GAK: variants seen among roughly 807,000 people sequenced by gnomAD.
The protein encoded by GAK is cyclin G associated kinase.
Under a neutral mutation model 143.9 loss-of-function variants are expected in GAK, and 79 were observed. The ratio of observed to expected loss-of-function variants is 0.55; its 90% CI spans 0.46 to 0.66. GAK has a LOEUF of 0.66. Ranked by LOEUF, GAK falls within the 30% of genes least tolerant of loss-of-function variation. The pLI, the probability that GAK is intolerant of heterozygous loss-of-function variation, is 0.00. For missense variants in GAK, 1,693 were observed against 1,779.7 expected (o/e 0.95, Z 0.88); for synonymous variants, 881 against 765.5 (o/e 1.15, Z -2.49).
chr4:853,397 A>G (rs1275700315), intron 24 of GAK: 1 of 152,290 alleles, frequency 6.6e-6, no homozygotes, highest in Non-Finnish European at 1.5e-5. Context: ...ACGGTAGCTC[A>G]GTAGCTGTGT....
rs749634471 is a variant in GAK at position 877,726 on chromosome 4, A to G, written c.1745T>C (p.Met582Thr). 36 of 1,613,378 alleles carry G rather than the reference A, an allele frequency of 2.2e-5. No individual in the cohort carries two copies. The highest frequency in any genetic ancestry group is 2.9e-5 in the Non-Finnish European group (34 of 1,179,926). Residue 582 changes from methionine (M) to threonine (T), a missense_variant, in exon 16 of 28, where the codon ATG becomes ACG. Met to Thr is a moderately conservative substitution (Grantham distance 81). Coordinates refer to ENST00000314167, the MANE Select transcript of GAK (RefSeq NM_005255.4). Reference sequence around the variant, plus strand: ...CTTGCTGAACAGCGGCACGGGTGTCATGACCACGGCCCTCACCAGGATGGG... The same window carrying G: ...CTTGCTGAACAGCGGCACGGGTGTCGTGACCACGGCCCTCACCAGGATGGG... ...SKPILVRAVVMTPVPLFSKQR... is the reference protein window; with the variant it reads ...SKPILVRAVVTTPVPLFSKQR...
chr4:850,267 TTCA>T (rs1354690610), intron 26 of GAK, 199 bp from the exon 27 acceptor site: 2 of 477,860 alleles, frequency 4.2e-6, no homozygotes, highest in African/African-American at 4.0e-5. Flanking sequence ...CCAGGTGGTC[TTCA>T]TGTTTCAGGG....
chr4:894,219 T>G (rs1182079620), intron 7 of GAK: 6 of 333,952 alleles, frequency 1.8e-5, no homozygotes, highest in Non-Finnish European at 2.8e-5. Flanking sequence ...CACCGGGGCC[T>G]GCGGGAACAA....
At chr4:873,912 G>A (rs761511621) in intron 18 of GAK, among the ~76,000 whole-genome samples, 4 of 152,180 alleles carry the variant, frequency 2.6e-5, no homozygotes, top group Non-Finnish European at 5.9e-5. Context: ...GCACAGCAGG[G>A]CGTCGGTCTA....
chr4:885,434 C>T (rs745952415), intron 11 of GAK, among the ~76,000 whole-genome samples: 3 of 152,172 alleles, frequency 2.0e-5, no homozygotes, highest in Non-Finnish European at 4.4e-5. Context: ...CAGGCAGCGG[C>T]AAGCACAGCA....
rs1002012321 is a variant in GAK at position 893,734 on chromosome 4, C to A, written c.877+140G>T. 92 of 1,066,872 alleles carry A rather than the reference C, an allele frequency of 8.6e-5. 1 individual carries two copies. Among genetic ancestry groups the A allele is most frequent in the South Asian group, 1.1e-4 (6 of 54,310 alleles). 66.1% of individuals were successfully genotyped at this position (1,066,872 alleles called of 1,614,324 possible). A position where few individuals can be genotyped will look rare whatever the true frequency, so the allele number is the denominator to read the frequency against. On this transcript the variant is annotated intron_variant, in intron 8 of 27. Coordinates refer to ENST00000314167, the MANE Select transcript of GAK (RefSeq NM_005255.4). ...GGGGAGCTCTCTGGAAACCCCCCCC[C>A]CAGGGATGTTGTCAAAACTATGGTG... is the stretch of plus-strand genomic sequence containing the variant.
At chr4:884,278 C>T (rs1715794774) in intron 11 of GAK, 192 bp from the exon 12 acceptor site, 2 of 570,502 alleles carry the variant, frequency 3.5e-6, no homozygotes, top group Non-Finnish European at 6.2e-6. Flanking sequence ...GGAGCTGACC[C>T]CTACATCAGA....
chr4:926,650 G>C (rs1724796021), intron 1 of GAK, among the ~76,000 whole-genome samples: 1 of 152,182 alleles, frequency 6.6e-6, no homozygotes, highest in South Asian at 2.1e-4. Flanking sequence ...TTCACGCTGG[G>C]AACTAGCCAA....
chr4:887,474 A>ACT, intron 11 of GAK: 1 of 148,026 alleles, frequency 6.8e-6, no homozygotes, highest in Non-Finnish European at 1.5e-5. Flanking sequence ...CAGCTCACGC[A>ACT]CACAGGCACT....
chr4:859,493 T>G lies in GAK; in HGVS notation c.3283+113A>C, dbSNP rs780512367. 4.4e-6 allele frequency: 7 copies of G among 1,600,680 alleles called. No homozygotes were observed. The African/African-American group carries it at 9.4e-5, about 21-fold the overall frequency. On this transcript the variant is annotated intron_variant, in intron 24 of 27. Coordinates refer to ENST00000314167, the MANE Select transcript of GAK (RefSeq NM_005255.4). ...GCTCACTGTGCTCTGGGCTTGGGGG[T>G]CTTAGTGAACAGAGGCAAAGACTTC...
chr4:873,124 C>T (rs1384619876), intron 18 of GAK, among the ~76,000 whole-genome samples: 1 of 152,236 alleles, frequency 6.6e-6, no homozygotes, highest in Non-Finnish European at 1.5e-5. Context: ...GGAATTACAG[C>T]TGTAAGCCAC....
At chr4:893,544 C>G in intron 8 of GAK, 55 bp from the exon 9 acceptor site, 1 of 1,303,588 alleles carries the variant, frequency 7.7e-7, no homozygotes, top group Non-Finnish European at 1.0e-6. Flanking sequence ...GGGTCAGCAC[C>G]CCCTGCACTG....
chr4:870,884 T>A lies in GAK; in HGVS notation c.2075A>T (p.Asp692Val). 6.2e-7 allele frequency: 1 copy of A among 1,613,752 alleles called. No homozygotes were observed. Among genetic ancestry groups the A allele is most frequent in the Non-Finnish European group, 8.5e-7 (1 of 1,179,844 alleles). Residue 692 changes from aspartate to valine, a missense_variant, in exon 19 of 28, where the codon GAC (aspartate) becomes GTC (valine). Transcript: ENST00000314167. ...KFAKYDLDAC[D>V]IQEKYPDLFQ... Reference sequence around the variant, plus strand: ...TAAATCCGGGTATTTTTCTTGAATGTCACACGCGTCCAGGTCATACCTGCG... The same window carrying A: ...TAAATCCGGGTATTTTTCTTGAATGACACACGCGTCCAGGTCATACCTGCG...
chr4:855,510 C>T (rs2152694408), intron 24 of GAK, among the ~76,000 whole-genome samples: 1 of 152,294 alleles, frequency 6.6e-6, no homozygotes, highest in South Asian at 2.1e-4. Flanking sequence ...CCTGCGCAGA[C>T]AATCGTGTCA....
intron 5 of GAK, among the ~76,000 whole-genome samples, chr4:902,605 A>AAAAACAAAAAC (rs1553889063): frequency 3.8e-5 from 5 of 130,386 alleles, no homozygotes; most frequent in East Asian, 4.9e-4. Flanking sequence ...TCAAAAAAAA[A>AAAAACAAAAAC]AAAAAAAAAC....
intron 27 of GAK, 59 bp from the exon 28 acceptor site, chr4:849,833 G>GGCGCCCCCCCCCCCCC: frequency 8.4e-7 from 1 of 1,190,156 alleles, no homozygotes; most frequent in Non-Finnish European, 1.2e-6. Flanking sequence ...GGCGGGGCAG[G>GGCGCCCCCCCCCCCCC]ACCCCCCCCC....
At chr4:856,563 C>T (rs996763597) in intron 24 of GAK, among the ~76,000 whole-genome samples, 1 of 118,292 alleles carries the variant, frequency 8.5e-6, no homozygotes, top group African/African-American at 3.4e-5. Flanking sequence ...ACCACCACAG[C>T]TGCTCACCAC....
At chr4:896,001 C>A (rs888179870) in intron 7 of GAK, among the ~76,000 whole-genome samples, 1 of 152,236 alleles carries the variant, frequency 6.6e-6, no homozygotes, top group East Asian at 1.9e-4. Flanking sequence ...GTGGCTCAAG[C>A]CTGTAATCGC....
Position 877,085 on chromosome 4 carries a change from C to T in GAK, c.1974+5G>A. 6.2e-7 allele frequency: 1 copy of T among 1,603,934 alleles called. No homozygotes were observed. Reference sequence around the variant, plus strand: ...GAGCACCGGGCAAGCCACAGGCTCTCTCACCTTGGCCTGCAGCCGGCCGCC... The same window carrying T: ...GAGCACCGGGCAAGCCACAGGCTCTTTCACCTTGGCCTGCAGCCGGCCGCC... On this transcript the variant is annotated splice_donor_5th_base_variant and intron_variant, in intron 17 of 27. Coordinates refer to ENST00000314167, the MANE Select transcript of GAK (RefSeq NM_005255.4).
Sources: allele counts gnomAD v4.1 joint callset (sites outside exome capture counted in the v4.1 genomes callset), GRCh38; gene constraint gnomAD v4.1.1; transcripts MANE v1.5; gene names NCBI Gene and HGNC (gene_info 2026-07-23, HGNC 2026-07-21).